Variants in NCKAP5 observed in about 807,000 individuals in gnomAD.
NCKAP5 encodes NCK associated protein 5, also known as nck-associated protein 5.
NCKAP5 carries 92 observed loss-of-function variants against 167.0 expected under a neutral mutation model. That is an observed-to-expected ratio of 0.55 (90% CI 0.47 to 0.66). NCKAP5 has a LOEUF of 0.66. NCKAP5 is among the 30% of genes least tolerant of loss of function. The pLI is 0.00. For synonymous variants in NCKAP5, 891 were observed against 877.4 expected (o/e 1.02, Z -0.27); for missense variants, 2,378 against 2,315.0 (o/e 1.03, Z -0.56).
At chr2:132,939,739 C>A (rs1438434325) in intron 8 of NCKAP5, among the ~76,000 whole-genome samples, 1 of 152,134 alleles carries the variant, frequency 6.6e-6, no homozygotes, top group African/African-American at 2.4e-5. Flanking sequence ...GTGGCTCACA[C>A]CTGTAATCCC....
At chr2:133,344,876 A>C (rs1683855638) in intron 3 of NCKAP5, among the ~76,000 whole-genome samples, 1 of 152,052 alleles carries the variant, frequency 6.6e-6, no homozygotes, top group South Asian at 2.1e-4. Context: ...AGACATGTGG[A>C]GATGTCAAGC....
chr2:132,860,869 C>T (rs546812380), intron 10 of NCKAP5, among the ~76,000 whole-genome samples: 1 of 152,104 alleles, frequency 6.6e-6, no homozygotes, highest in Non-Finnish European at 1.5e-5. Context: ...TTTTTGAAGA[C>T]AGTAAATCTT....
At chr2:133,280,402 A>G (rs1290016351) in intron 4 of NCKAP5, among the ~76,000 whole-genome samples, 3 of 151,958 alleles carry the variant, frequency 2.0e-5, no homozygotes, top group Admixed American at 6.6e-5. Context: ...TCGTTTGTTT[A>G]TTTATTTATT....
chr2:133,015,003 T>TG (rs1347653488), intron 6 of NCKAP5, among the ~76,000 whole-genome samples: 4 of 152,204 alleles, frequency 2.6e-5, no homozygotes, highest in African/African-American at 9.7e-5. Flanking sequence ...TGATGCGTAG[T>TG]ATTTGTTTTC....
At chr2:133,410,958 G>A (rs1004637236) in intron 3 of NCKAP5, among the ~76,000 whole-genome samples, 2 of 152,100 alleles carry the variant, frequency 1.3e-5, no homozygotes, top group African/African-American at 4.8e-5. Context: ...GAATTTAAAG[G>A]GCCAAGGGAA....
intron 8 of NCKAP5, among the ~76,000 whole-genome samples, chr2:132,902,929 GTAAC>G (rs1389962839): frequency 2.0e-5 from 3 of 152,214 alleles, no homozygotes; most frequent in African/African-American, 7.2e-5. Flanking sequence ...GCAGTGCAGA[GTAAC>G]TGATAGGAGA....
chr2:132,921,760 A>G (rs2149007494), intron 8 of NCKAP5, among the ~76,000 whole-genome samples: 1 of 152,194 alleles, frequency 6.6e-6, no homozygotes, highest in African/African-American at 2.4e-5. Flanking sequence ...CCCCTACCCT[A>G]CAAGTCACTG....
chr2:133,602,132 C>G, the NCKAP5 span, among the ~76,000 whole-genome samples: 16 of 152,244 alleles, frequency 1.1e-4, no homozygotes, highest in South Asian at 2.7e-3. Context: ...GGAAGTGCCT[C>G]GAGGATGCTG....
rs116280125 is a variant in NCKAP5, at chr2:133,194,417, G to A, written c.207+19299C>T. ...ACGGTAGGAACAATACTTAGCATCA[G>A]GAACCAACAAGTCAGTTTCCTGGCT... On this transcript the variant is annotated intron_variant, in intron 5 of 19. Transcript: ENST00000409261. Among the ~76,000 whole-genome samples, 1,469 of 152,144 alleles carry A rather than the reference G, an allele frequency of 9.7e-3. 34 individuals carry two copies. Among genetic ancestry groups the A allele is most frequent in the African/African-American group, 0.034 (1,404 of 41,526 alleles).
At chr2:132,907,504 G>A (rs1160353915) in intron 8 of NCKAP5, among the ~76,000 whole-genome samples, 2 of 152,074 alleles carry the variant, frequency 1.3e-5, no homozygotes, top group Non-Finnish European at 2.9e-5. Flanking sequence ...TTTCCTCTTT[G>A]TAGGTGGGAA....
At chr2:133,428,215 A>G (rs1199069786) in intron 3 of NCKAP5, among the ~76,000 whole-genome samples, 1 of 152,172 alleles carries the variant, frequency 6.6e-6, no homozygotes, top group Non-Finnish European at 1.5e-5. Context: ...TACTATCACC[A>G]AAACAGTAGC....
At chr2:132,723,287 C>A (rs962995074) in intron 19 of NCKAP5, among the ~76,000 whole-genome samples, 2 of 151,896 alleles carry the variant, frequency 1.3e-5, no homozygotes, top group Non-Finnish European at 2.9e-5. Context: ...TACAGGCCTC[C>A]CAAGTAGCTG....
At chr2:132,732,885 C>A (rs927623590) in intron 16 of NCKAP5, among the ~76,000 whole-genome samples, 5 of 152,150 alleles carry the variant, frequency 3.3e-5, no homozygotes, top group African/African-American at 1.2e-4. Flanking sequence ...GTACCTTTCC[C>A]ATCATAACAC....
chr2:133,420,756 G>T (rs1689423489), intron 3 of NCKAP5, among the ~76,000 whole-genome samples: 1 of 152,132 alleles, frequency 6.6e-6, no homozygotes, highest in Admixed American at 6.6e-5. Flanking sequence ...CCGCCAGGAG[G>T]TTTTATTCTG....
At position 132,783,173 on chromosome 2, in the gene NCKAP5, G is replaced by A. The variant is rs758870807; in HGVS notation, c.3638C>T (p.Ser1213Leu). 6.2e-7 allele frequency: 1 copy of A among 1,613,802 alleles called. No individual in the cohort carries two copies. The highest frequency in any genetic ancestry group is 2.2e-5 in the East Asian group (1 of 44,854). ...ATCAGCTAAACTGCCCTGTGCTTGT[G>A]AATCCGGTAGGGTCACATTTCTTTC... ...AGERNVTLPD[S>L]QAQGSLADGL... Residue 1213 changes from serine (S) to leucine (L), a missense_variant, in exon 14 of 20, where the codon TCA (serine) becomes TTA (leucine). Physicochemically the swap from Ser to Leu is moderately radical, Grantham distance 145. Coordinates refer to ENST00000409261, the MANE Select transcript of NCKAP5 (RefSeq NM_207363.3).
At chr2:133,455,843 C>G (rs1483445076) in intron 3 of NCKAP5, among the ~76,000 whole-genome samples, 1 of 152,118 alleles carries the variant, frequency 6.6e-6, no homozygotes, top group Non-Finnish European at 1.5e-5. Flanking sequence ...TAAGACTTCA[C>G]AAGCATTAAG....
the NCKAP5 span, among the ~76,000 whole-genome samples, chr2:133,600,534 C>A: frequency 5.3e-5 from 8 of 152,214 alleles, no homozygotes; most frequent in African/African-American, 1.2e-4. Context: ...GAGCTGACTG[C>A]GTTACAAGCA....
intron 8 of NCKAP5, among the ~76,000 whole-genome samples, chr2:132,887,255 T>C (rs1028510260): frequency 1.6e-4 from 24 of 152,126 alleles, no homozygotes; most frequent in African/African-American, 5.3e-4. Flanking sequence ...GGTTGCCAAA[T>C]AGCGACTTTT....
At chr2:133,243,429 C>T (rs1339102565) in intron 4 of NCKAP5, among the ~76,000 whole-genome samples, 2 of 152,144 alleles carry the variant, frequency 1.3e-5, no homozygotes, top group African/African-American at 4.8e-5. Context: ...TGGTCCCTAC[C>T]ATAAAGCAGC....
Sources: allele counts gnomAD v4.1 joint callset (sites outside exome capture counted in the v4.1 genomes callset), GRCh38; gene constraint gnomAD v4.1.1; transcripts MANE v1.5; gene names NCBI Gene and HGNC (gene_info 2026-07-23, HGNC 2026-07-21).